Variants in APBA2 observed in about 807,000 individuals in gnomAD.
The protein encoded by APBA2 is amyloid-beta A4 precursor protein-binding family A member 2.
A neutral mutation model predicts 75.0 loss-of-function variants in APBA2; 30 were observed. The ratio of observed to expected loss-of-function variants is 0.40; its 90% CI spans 0.30 to 0.54. The LOEUF is 0.54. Ranked by LOEUF, APBA2 falls within the 20% of genes least tolerant of loss-of-function variation. APBA2 has a pLI of 0.49. For missense variants in APBA2, 801 were observed against 1,016.1 expected (o/e 0.79, Z 2.88); for synonymous variants, 444 against 409.6 (o/e 1.08, Z -1.01).
At chr15:29,045,101 C>G (rs976594589) in intron 3 of APBA2, among the ~76,000 whole-genome samples, 2 of 140,770 alleles carry the variant, frequency 1.4e-5, no homozygotes, top group East Asian at 3.9e-4. Flanking sequence ...CTCTCTCTCT[C>G]TCGTCTCGCA....
At chr15:29,091,539 G>C (rs183574951) in intron 6 of APBA2, among the ~76,000 whole-genome samples, 6 of 152,272 alleles carry the variant, frequency 3.9e-5, no homozygotes, top group Admixed American at 3.9e-4. Context: ...GAGGTTGTTT[G>C]GGGGGCATTT....
At chr15:28,992,900 C>T (rs1035543891) in intron 2 of APBA2, among the ~76,000 whole-genome samples, 2 of 152,188 alleles carry the variant, frequency 1.3e-5, no homozygotes, top group African/African-American at 4.8e-5. Context: ...AATTTACGGC[C>T]TGAAGATTGA....
chr15:28,979,891 A>C (rs2152764928), intron 2 of APBA2, among the ~76,000 whole-genome samples: 1 of 152,308 alleles, frequency 6.6e-6, no homozygotes, highest in Admixed American at 6.5e-5. Flanking sequence ...AGTTATTTTA[A>C]AAAAAGAGAA....
At chr15:28,997,541 C>G (rs902062336) in intron 3 of APBA2, among the ~76,000 whole-genome samples, 11 of 152,150 alleles carry the variant, frequency 7.2e-5, no homozygotes, top group African/African-American at 2.4e-4. Flanking sequence ...GGAGATGTTA[C>G]TTATGGAGAC....
At chr15:29,114,577 CGTGT>C (rs528733666) in intron 14 of APBA2, among the ~76,000 whole-genome samples, 115 of 150,464 alleles carry the variant, frequency 7.6e-4, no homozygotes, top group Non-Finnish European at 8.3e-4. Flanking sequence ...AGCGGGTGTG[CGTGT>C]GTGTGTGTGT....
chr15:28,890,511 T>C (rs1404746282), intron 1 of APBA2, among the ~76,000 whole-genome samples: 1 of 152,256 alleles, frequency 6.6e-6, no homozygotes, highest in Non-Finnish European at 1.5e-5. Flanking sequence ...CCAGCCACTC[T>C]GCTTTACCTT....
chr15:29,015,726 A>AG (rs1264486893), intron 3 of APBA2, among the ~76,000 whole-genome samples: 1 of 152,328 alleles, frequency 6.6e-6, no homozygotes, highest in East Asian at 1.9e-4. Context: ...TTGCTTGCTC[A>AG]GTGACAACTG....
intron 1 of APBA2, among the ~76,000 whole-genome samples, chr15:28,900,795 A>C (rs1384914630): frequency 6.6e-6 from 1 of 152,088 alleles, no homozygotes; most frequent in African/African-American, 2.4e-5. Context: ...CCTGTGGCTG[A>C]CTGGCTGCCT....
At chr15:28,906,889 A>G (rs1369402912) in intron 1 of APBA2, among the ~76,000 whole-genome samples, 1 of 152,002 alleles carries the variant, frequency 6.6e-6, no homozygotes, top group Admixed American at 6.6e-5. Flanking sequence ...ACATAGGGTT[A>G]TTCCTCATTT....
At chr15:29,065,918 C>T (rs1167039558) in intron 4 of APBA2, among the ~76,000 whole-genome samples, 7 of 152,250 alleles carry the variant, frequency 4.6e-5, no homozygotes, top group East Asian at 1.9e-4. Context: ...TGTGCAGGTT[C>T]GGGAGCCCGA....
chr15:28,925,413 A>G (rs1424997896), intron 2 of APBA2, among the ~76,000 whole-genome samples: 1 of 152,092 alleles, frequency 6.6e-6, no homozygotes, highest in Non-Finnish European at 1.5e-5. Flanking sequence ...TTCTTTTCCA[A>G]TTTCTGGAAT....
intron 4 of APBA2, among the ~76,000 whole-genome samples, chr15:29,063,462 G>A (rs1339236843): frequency 1.4e-5 from 2 of 140,136 alleles, no homozygotes; most frequent in African/African-American, 2.6e-5. Flanking sequence ...TGTATGGGTG[G>A]GGAGGGGAGT....
At position 29,074,953 on chromosome 15, in the gene APBA2, G is replaced by T; in HGVS notation, c.984G>T (p.Gln328His). 6.2e-7 allele frequency: 1 copy of T among 1,614,156 alleles called. No homozygotes were observed. The highest frequency in any genetic ancestry group is 8.5e-7 in the Non-Finnish European group (1 of 1,180,018). The part of the protein sequence containing the change: ...VCNGLEQPRK[Q>H]QRSDLNGPVD... The stretch of plus-strand genomic sequence containing the variant: ...ATGGTCTGGAGCAGCCAAGGAAGCA[G>T]CAGCGCTCTGATCTCAATGGACCTG... Residue 328 changes from glutamine (Q) to histidine (H), a missense_variant, in exon 5 of 15, where the codon CAG becomes CAT. Physicochemically the swap from Gln to His is conservative, Grantham distance 24. Around this residue, in one of 2 missense-constraint regions of APBA2, gnomAD observed 434 missense variants for 471.6 expected, o/e 0.92. Transcript: ENST00000683413.
chr15:29,007,300 C>T (rs996202863), intron 3 of APBA2, among the ~76,000 whole-genome samples: 1 of 152,148 alleles, frequency 6.6e-6, no homozygotes, highest in African/African-American at 2.4e-5. Context: ...AAAACAGGTG[C>T]ACAACTTCAT....
chr15:28,964,006 C>A (rs1010724740), intron 2 of APBA2, among the ~76,000 whole-genome samples: 12 of 152,186 alleles, frequency 7.9e-5, no homozygotes, highest in Non-Finnish European at 1.5e-4. Context: ...TCATGCTACC[C>A]CATTGTAGCC....
At chr15:29,059,759 T>C (rs567525954) in intron 4 of APBA2, among the ~76,000 whole-genome samples, 1 of 152,310 alleles carries the variant, frequency 6.6e-6, no homozygotes, top group South Asian at 2.1e-4. Context: ...AACTCAGTGC[T>C]CAGGGCAGCT....
intron 2 of APBA2, among the ~76,000 whole-genome samples, chr15:28,941,044 A>G (rs2035193261): frequency 6.6e-6 from 1 of 152,248 alleles, no homozygotes; most frequent in African/African-American, 2.4e-5. Context: ...TTTTTTAACA[A>G]TACTCAGGAA....
At chr15:29,001,519 T>C (rs2038844929) in intron 3 of APBA2, among the ~76,000 whole-genome samples, 1 of 152,198 alleles carries the variant, frequency 6.6e-6, no homozygotes, top group Non-Finnish European at 1.5e-5. Flanking sequence ...ACTTTAGAAA[T>C]GTTCAGAAGC....
chr15:29,012,479 C>A (rs2039448444), intron 3 of APBA2, among the ~76,000 whole-genome samples: 1 of 152,178 alleles, frequency 6.6e-6, no homozygotes, highest in Admixed American at 6.6e-5. Flanking sequence ...GCTGATGTTA[C>A]CCTCAATCGT....
Sources: allele counts gnomAD v4.1 joint callset (sites outside exome capture counted in the v4.1 genomes callset), GRCh38; gene constraint gnomAD v4.1.1; regional missense constraint gnomAD v4.1.1; transcripts MANE v1.5; gene names NCBI Gene and HGNC (gene_info 2026-07-23, HGNC 2026-07-21).